Variants in ADGRL3 observed in about 807,000 individuals in gnomAD.
The protein encoded by ADGRL3 is calcium-independent alpha-latrotoxin receptor 3.
ADGRL3 carries 62 observed loss-of-function variants against 153.5 expected under a neutral mutation model. The ratio of observed to expected loss-of-function variants is 0.40; its 90% confidence interval spans 0.33 to 0.50. The LOEUF (loss-of-function observed/expected upper bound fraction) is 0.50. Ranked by LOEUF, ADGRL3 falls within the 20% of genes least tolerant of loss-of-function variation. The pLI is 0.47. For missense variants in ADGRL3, 1,641 were observed against 1,859.4 expected (o/e 0.88, Z 2.16); for synonymous variants, 710 against 672.5 (o/e 1.06, Z -0.86).
At chr4:61,671,588 A>T (rs1004882739) in intron 5 of ADGRL3, among the ~76,000 whole-genome samples, 3 of 152,206 alleles carry the variant, frequency 2.0e-5, no homozygotes, top group Non-Finnish European at 4.4e-5. Context: ...TCATATTATT[A>T]CTATGCTCTG....
chr4:61,544,206 T>C (rs2098703265), intron 4 of ADGRL3, among the ~76,000 whole-genome samples: 1 of 152,148 alleles, frequency 6.6e-6, no homozygotes, highest in Non-Finnish European at 1.5e-5. Context: ...GTGAGTCAGC[T>C]CCCCTTTCTT....
intron 4 of ADGRL3, among the ~76,000 whole-genome samples, chr4:61,556,414 G>A (rs371825470): frequency 1.2e-3 from 176 of 152,148 alleles, no homozygotes; most frequent in South Asian, 6.2e-3. Context: ...AGAATGAGCC[G>A]GGGGAGAGCA....
At chr4:61,230,191 G>T (rs930234599) in intron 1 of ADGRL3, among the ~76,000 whole-genome samples, 9 of 152,146 alleles carry the variant, frequency 5.9e-5, no homozygotes, top group African/African-American at 2.2e-4. Context: ...AGCGATCACG[G>T]CTGTCTGCTA....
intron 9 of ADGRL3, among the ~76,000 whole-genome samples, chr4:61,835,219 G>A (rs995326175): frequency 6.6e-6 from 1 of 150,918 alleles, no homozygotes; most frequent in African/African-American, 2.4e-5. Flanking sequence ...GGAAAACAGG[G>A]TTTTTTTTCC....
At position 61,338,805 on chromosome 4, in the gene ADGRL3, G is replaced by A. The variant is rs980278435; in HGVS notation, c.-239-44319G>A. Among the ~76,000 whole-genome samples, 7 of 152,094 alleles carry A rather than the reference G, an allele frequency of 4.6e-5. No individual in the cohort carries two copies. In the East Asian group the frequency reaches 9.6e-4, roughly 21 times the overall value. ...TTGAATAAATATTAAGTGAAAGTCA[G>A]CATCATAATGAACATTTTGTGTAAA... On this transcript the variant is annotated intron_variant, in intron 1 of 26. Coordinates refer to ENST00000683033, the MANE Select transcript of ADGRL3 (RefSeq NM_001387552.1).
chr4:61,970,520 T>G (rs1174145690), intron 17 of ADGRL3, among the ~76,000 whole-genome samples: 1 of 152,108 alleles, frequency 6.6e-6, no homozygotes, highest in African/African-American at 2.4e-5. Flanking sequence ...TAACTTAGAG[T>G]GTGCTAAGCA....
intron 1 of ADGRL3, among the ~76,000 whole-genome samples, chr4:61,372,009 C>T (rs2096537230): frequency 6.6e-6 from 1 of 152,138 alleles, no homozygotes; most frequent in African/African-American, 2.4e-5. Context: ...ACCCTTTCTC[C>T]AGTTGATGGT....
At chr4:61,639,264 G>T (rs1164554131) in intron 5 of ADGRL3, among the ~76,000 whole-genome samples, 3 of 152,090 alleles carry the variant, frequency 2.0e-5, no homozygotes, top group African/African-American at 7.2e-5. Flanking sequence ...ATTATTAAAA[G>T]ATCTAAAGTT....
chr4:61,444,149 T>G (rs2097556399), intron 2 of ADGRL3, among the ~76,000 whole-genome samples: 1 of 152,236 alleles, frequency 6.6e-6, no homozygotes, highest in Non-Finnish European at 1.5e-5. Flanking sequence ...TATAATGCCA[T>G]TCCATTTATG....
At chr4:61,465,758 A>AATATAT (rs10701021) in intron 2 of ADGRL3, among the ~76,000 whole-genome samples, 17,308 of 130,090 alleles carry the variant, frequency 0.13, 1,422 homozygotes, top group Middle Eastern at 0.25. Flanking sequence ...ATTATATATA[A>AATATAT]ATATATATAT....
In ADGRL3 at chr4:61,947,024, AT is replaced by A; in HGVS notation, c.2532del (p.Ile844MetfsTer11). The A allele has an allele frequency of 6.2e-7, 1 of 1,613,756 alleles. No homozygotes were observed. Among genetic ancestry groups the A allele is most frequent in the African/African-American group, 1.3e-5 (1 of 75,006 alleles). On this transcript the variant is annotated frameshift_variant, in exon 16 of 27. Coordinates refer to ENST00000683033, the MANE Select transcript of ADGRL3 (RefSeq NM_001387552.1). LOFTEE classifies it high-confidence loss of function. ...AGCTTTGTCCACAAATCATTCTGTT[AT>A]TGTCAATTCCCCTGTTATTACGGCA... ...TEALSTNHSV[I>X]VNSPVITAAI...
chr4:61,743,417 G>A (rs2096609355), intron 8 of ADGRL3, among the ~76,000 whole-genome samples: 1 of 151,110 alleles, frequency 6.6e-6, no homozygotes, highest in Non-Finnish European at 1.5e-5. Context: ...TTGACATTAA[G>A]ATTTATCTGA....
chr4:61,575,724 A>C (rs1339703357), intron 4 of ADGRL3, among the ~76,000 whole-genome samples: 2 of 152,038 alleles, frequency 1.3e-5, no homozygotes, highest in Admixed American at 6.6e-5. Flanking sequence ...CAGAATATGT[A>C]TTTCTCAACC....
intron 1 of ADGRL3, among the ~76,000 whole-genome samples, chr4:61,242,529 C>G (rs937433647): frequency 6.6e-6 from 1 of 151,926 alleles, no homozygotes; most frequent in Non-Finnish European, 1.5e-5. Flanking sequence ...CATTACATCC[C>G]CTATCTTTAT....
intron 2 of ADGRL3, among the ~76,000 whole-genome samples, chr4:61,423,379 T>G (rs1489484965): frequency 6.6e-6 from 1 of 152,218 alleles, no homozygotes; most frequent in Non-Finnish European, 1.5e-5. Context: ...CACTTCCATA[T>G]TTCAGGAAAC....
chr4:61,794,188 C>T (rs1184252182), intron 8 of ADGRL3, among the ~76,000 whole-genome samples: 1 of 152,142 alleles, frequency 6.6e-6, no homozygotes, highest in Non-Finnish European at 1.5e-5. Flanking sequence ...GAACTAGTTT[C>T]ATTGATAATA....
chr4:61,428,882 ATCTATCTATATCATCTATCT>A (rs1560616347), intron 2 of ADGRL3, among the ~76,000 whole-genome samples: 1 of 93,670 alleles, frequency 1.1e-5, no homozygotes, highest in East Asian at 2.9e-4. Flanking sequence ...TATATCATCT[ATCTATCTATATCATCTATCT>A]ATCTATCTAT....
chr4:61,835,731 A>G (rs942581359), intron 9 of ADGRL3, among the ~76,000 whole-genome samples: 7 of 151,752 alleles, frequency 4.6e-5, no homozygotes, highest in Admixed American at 2.6e-4. Context: ...CATGGGGGGA[A>G]AAAACCTCAG....
At chr4:61,885,160 CA>C (rs1295624476) in intron 9 of ADGRL3, among the ~76,000 whole-genome samples, 3 of 151,828 alleles carry the variant, frequency 2.0e-5, no homozygotes, top group African/African-American at 4.8e-5. Flanking sequence ...CCTGTAATCC[CA>C]GCTGCTCAGG....
Sources: gnomAD v4.1 joint callset for allele counts (sites outside exome capture counted in the v4.1 genomes callset) on GRCh38, gnomAD v4.1.1 for gene constraint, MANE v1.5 for transcripts, NCBI Gene and HGNC (gene_info 2026-07-23, HGNC 2026-07-21) for gene names.